CCNL1: variants seen among roughly 807,000 people sequenced by gnomAD.
The protein encoded by CCNL1 is cyclin-L1.
In CCNL1, 13 loss-of-function variants were observed where a neutral mutation model predicts 60.6. The observed-to-expected ratio is 0.21, with a 90% CI of 0.14 to 0.34. CCNL1 has a LOEUF of 0.34. Among genes scored for constraint, CCNL1 ranks in the 10% least tolerant of loss-of-function variants. The pLI is 1.00. For missense variants in CCNL1, 481 were observed against 664.3 expected, an observed-to-expected ratio of 0.72 and a Z score of 3.03; for synonymous variants, 270 against 244.3, an observed-to-expected ratio of 1.10 and a Z score of -0.98.
chr3:157,145,466 C>CAAAAAAAAAAAAAAAAAAAA (rs1737755942), downstream of CCNL1, among the ~76,000 whole-genome samples: 32 of 88,962 alleles, frequency 3.6e-4, 4 homozygotes, highest in African/African-American at 1.3e-3. Context: ...AAAAAAAAAC[C>CAAAAAAAAAAAAAAAAAAAA]AAAACGGGAT....
At chr3:157,152,399 C>T in intron 4 of CCNL1, 158 bp from the exon 5 acceptor site, 2 of 1,324,442 alleles carry the variant, frequency 1.5e-6, no homozygotes, top group Non-Finnish European at 1.9e-6. Context: ...ATGTGAACTG[C>T]TACATGACTA....
Position 157,153,027 on chromosome 3 carries a change from A to G in CCNL1, c.609+9T>C, listed in dbSNP as rs41272613. The G allele has an allele frequency of 0.25, 401,280 of 1,612,604 alleles. 53,109 individuals are homozygous for G. The highest frequency in any genetic ancestry group is 0.46 in the Admixed American group (27,723 of 59,800). On this transcript the variant is annotated intron_variant, in intron 4 of 10. Coordinates refer to ENST00000295926, the MANE Select transcript of CCNL1 (RefSeq NM_020307.4). ...CTTACGAACCCAATTTCTGTACTCT[A>G]CAACTCACCTTATGAGGATGCTTGA...
At chr3:157,146,050 C>G (rs984103861), downstream of CCNL1, among the ~76,000 whole-genome samples, 1 of 152,156 alleles carries the variant, frequency 6.6e-6, no homozygotes, top group Admixed American at 6.5e-5. Flanking sequence ...AAATCCTCAA[C>G]CTTGTGGACT....
At chr3:157,143,686 TAG>T (rs1486652742), downstream of CCNL1, among the ~76,000 whole-genome samples, 7 of 152,286 alleles carry the variant, frequency 4.6e-5, no homozygotes, top group Non-Finnish European at 7.3e-5. Context: ...TAGAGGTGTT[TAG>T]AGAGGCTTAC....
chr3:157,154,850 C>T (rs539215564), intron 3 of CCNL1, among the ~76,000 whole-genome samples: 1 of 152,172 alleles, frequency 6.6e-6, no homozygotes, highest in Non-Finnish European at 1.5e-5. Flanking sequence ...TCCATTTTAT[C>T]AGGACAGTAG....
In CCNL1 at chr3:157,148,539, C is replaced by G; in HGVS notation, c.1283G>C (p.Ser428Thr). ...RSGTYSSRSRSRSRSHSESPR... is the reference protein window; with the variant it reads ...RSGTYSSRSRTRSRSHSESPR... ...GCTTTCACTGTGACTGCGGGACCTGCTTCTTGATCTCGAGCTGTATGTTCC... is the reference window on the plus strand; with the variant it reads ...GCTTTCACTGTGACTGCGGGACCTGGTTCTTGATCTCGAGCTGTATGTTCC... The change falls in exon 11 of 11, where the codon AGC (serine) becomes ACC (threonine). Residue 428 changes from serine (S) to threonine (T), a missense_variant. Coordinates refer to ENST00000295926, the MANE Select transcript of CCNL1 (RefSeq NM_020307.4). 1 of 1,614,068 alleles carries G rather than the reference C, an allele frequency of 6.2e-7. No homozygotes were observed. Among genetic ancestry groups the G allele is most frequent in the Non-Finnish European group, 8.5e-7 (1 of 1,180,006 alleles).
At chr3:157,151,736 A>T in intron 5 of CCNL1, 2 of 1,010,210 alleles carry the variant, frequency 2.0e-6, no homozygotes, top group Non-Finnish European at 2.4e-6. Context: ...TACTTCTAGA[A>T]GCAAATATAC....
intron 3 of CCNL1, among the ~76,000 whole-genome samples, chr3:157,157,481 C>G (rs1738707572): frequency 6.6e-6 from 1 of 152,146 alleles, no homozygotes; most frequent in Admixed American, 6.5e-5. Flanking sequence ...AAACCATTTC[C>G]TTTAAGCAAA....
At chr3:157,146,609 TAAA>T (rs67249134), downstream of CCNL1, 1,000 of 275,040 alleles carry the variant, frequency 3.6e-3, no homozygotes, top group South Asian at 5.7e-3. Context: ...ACCTCGTCTC[TAAA>T]AAAAAAAAAA....
downstream of CCNL1, among the ~76,000 whole-genome samples, chr3:157,145,251 T>A (rs183721838): frequency 6.0e-4 from 91 of 151,596 alleles, 1 homozygote; most frequent in East Asian, 0.015. Flanking sequence ...CTGGCTAACA[T>A]AGGTGAAACC....
chr3:157,159,750 G>C, intron 1 of CCNL1, 42 bp downstream of exon 1: 11 of 1,465,828 alleles, frequency 7.5e-6, no homozygotes, highest in Non-Finnish European at 9.2e-6. Context: ...GGACGGAGGA[G>C]AGGAGAGGAG....
intron 1 of CCNL1, 116 bp from the exon 2 acceptor site, chr3:157,159,595 C>G (rs1037146483): frequency 4.0e-5 from 43 of 1,082,642 alleles, no homozygotes; most frequent in Admixed American, 8.8e-5. Flanking sequence ...GCCGCCGCTG[C>G]GAACAGCCCG....
In CCNL1 at chr3:157,150,154, G is replaced by C. The variant is rs1431856277; in HGVS notation, c.790C>G (p.Arg264Gly). Residue 264 changes from arginine to glycine, a missense_variant, in exon 7 of 11, where the codon CGT becomes GGT. Physicochemically the swap from Arg to Gly is moderately radical, Grantham distance 125. Coordinates refer to ENST00000295926, the MANE Select transcript of CCNL1 (RefSeq NM_020307.4). ...CCAAAAAGAAGAAACCAATGGGGAC[G>C]AGTTGGCAACGGAATCTAAACCATA... The part of the protein sequence containing the change: ...ARALQIPLPT[R>G]PHWFLLFGTT... 1 of 1,612,110 alleles carries C rather than the reference G, an allele frequency of 6.2e-7. No individual in the cohort carries two copies. The highest frequency in any genetic ancestry group is 8.5e-7 in the Non-Finnish European group (1 of 1,179,494).
chr3:157,159,340 C>T, intron 2 of CCNL1, 65 bp downstream of exon 2: 2 of 1,465,786 alleles, frequency 1.4e-6, no homozygotes, highest in Non-Finnish European at 1.9e-6. Flanking sequence ...TGGCTGCTGA[C>T]ACTACCCCTA....
intron 5 of CCNL1, chr3:157,150,824 G>A (rs868334609): frequency 1.0e-6 from 1 of 987,432 alleles, no homozygotes; most frequent in Non-Finnish European, 1.2e-6. Context: ...TCAAAATACC[G>A]TTAACAGGGG....
chr3:157,144,213 G>C (rs1737718072), downstream of CCNL1, among the ~76,000 whole-genome samples: 1 of 152,178 alleles, frequency 6.6e-6, no homozygotes, highest in African/African-American at 2.4e-5. Flanking sequence ...TACTGTTCAA[G>C]ATTTTCTATA....
chr3:157,151,722 T>C (rs1381064955), intron 5 of CCNL1: 1 of 1,009,756 alleles, frequency 9.9e-7, no homozygotes, highest in African/African-American at 1.7e-5. Flanking sequence ...GCATGTCAAA[T>C]AGTTACTTCT....
In CCNL1 at chr3:157,158,696, T is replaced by G. The variant is rs1738816296; in HGVS notation, c.488+170A>C. On this transcript the variant is annotated intron_variant, in intron 3 of 10. Transcript: ENST00000295926. Reference sequence around the variant, plus strand: ...AGATAACCGGTTAATTATGTTTCTTTTTTCAAATTATTTTAAGTATCAGTG... The same window carrying G: ...AGATAACCGGTTAATTATGTTTCTTGTTTCAAATTATTTTAAGTATCAGTG... The G allele has an allele frequency of 7.8e-6, 4 of 515,700 alleles. No homozygotes were observed. The South Asian group carries it at 9.4e-5, about 12-fold the overall frequency. The allele number at this position is 515,700 out of a possible 1,614,324, so 31.9% of individuals were successfully genotyped here.
chr3:157,156,697 G>GT (rs1195138028), intron 3 of CCNL1, among the ~76,000 whole-genome samples: 1 of 152,154 alleles, frequency 6.6e-6, no homozygotes, highest in East Asian at 1.9e-4. Flanking sequence ...TATCTCCACT[G>GT]TAATTGTCAA....
Sources: gnomAD v4.1 joint callset for allele counts (sites outside exome capture counted in the v4.1 genomes callset) on GRCh38, gnomAD v4.1.1 for gene constraint, MANE v1.5 for transcripts, NCBI Gene and HGNC (gene_info 2026-07-23, HGNC 2026-07-21) for gene names.